Variants in BLNK observed in about 807,000 individuals in gnomAD.
BLNK encodes B-cell linker protein.
In BLNK, 29 loss-of-function variants were observed where a neutral mutation model predicts 73.5. The ratio of observed to expected loss-of-function variants is 0.39; its 90% CI spans 0.29 to 0.54. The LOEUF is 0.54. Ranked by LOEUF, BLNK falls within the 20% of genes least tolerant of loss-of-function variation. BLNK has a pLI of 0.61. For synonymous variants in BLNK, 176 were observed against 200.8 expected (o/e 0.88, Z 1.04); for missense variants, 460 against 562.8 (o/e 0.82, Z 1.85).
At position 96,271,410 on chromosome 10, in the gene BLNK, A is replaced by G. The variant is rs782606156; in HGVS notation, c.-12T>C. 2.5e-6 allele frequency: 4 copies of G among 1,614,082 alleles called. No homozygotes were observed. In the East Asian group the frequency reaches 8.9e-5, roughly 36 times the overall value. ...TTAAGCTTGTCCATTCTGTTTGGTA[A>G]TTGTAAGAGACACGAATAACTGTCC... is the stretch of plus-strand genomic sequence containing the variant. On this transcript the variant is annotated 5_prime_UTR_variant, in exon 1 of 17. Coordinates refer to ENST00000224337, the MANE Select transcript of BLNK (RefSeq NM_013314.4).
chr10:96,233,302 A>G (rs189338646), intron 3 of BLNK, among the ~76,000 whole-genome samples: 59 of 152,296 alleles, frequency 3.9e-4, no homozygotes, highest in African/African-American at 1.2e-3. Flanking sequence ...CACTGGTGAA[A>G]GTAGTGCATT....
At chr10:96,266,326 C>G (rs1382900719) in intron 1 of BLNK, among the ~76,000 whole-genome samples, 1 of 152,200 alleles carries the variant, frequency 6.6e-6, no homozygotes, top group Non-Finnish European at 1.5e-5. Context: ...TCAATTGTAT[C>G]ATAGTCCATT....
intron 2 of BLNK, among the ~76,000 whole-genome samples, chr10:96,246,155 A>G (rs1193396795): frequency 2.7e-5 from 4 of 148,988 alleles, no homozygotes; most frequent in East Asian, 1.9e-4. Context: ...AAAAAGCTTA[A>G]GAGTTTTTGA....
At chr10:96,206,982 T>C in intron 11 of BLNK, 29 bp downstream of exon 11, 1 of 1,606,832 alleles carries the variant, frequency 6.2e-7, no homozygotes. Flanking sequence ...TTAGAGGACA[T>C]GCTCATCCTT....
intron 2 of BLNK, among the ~76,000 whole-genome samples, chr10:96,245,319 A>C (rs1843004896): frequency 6.6e-6 from 1 of 152,224 alleles, no homozygotes; most frequent in South Asian, 2.1e-4. Flanking sequence ...TTGGTCCAAA[A>C]TTTGGGGAGA....
rs1274045041 is a variant in BLNK at position 96,271,498 on chromosome 10, G to A, written c.-100C>T. 47 of 1,261,744 alleles carry A rather than the reference G, an allele frequency of 3.7e-5. No individual in the cohort carries two copies. Among genetic ancestry groups the A allele is most frequent in the Non-Finnish European group, 5.3e-5 (46 of 862,098 alleles). 78.2% of individuals were successfully genotyped at this position (1,261,744 alleles called of 1,614,324 possible). ...CAGCATGGTAAGCCTCTGGTCTCAAGGGTTCCGGCCACTCAAGTCTGATTT... is the reference window on the plus strand; with the variant it reads ...CAGCATGGTAAGCCTCTGGTCTCAAAGGTTCCGGCCACTCAAGTCTGATTT... On this transcript the variant is annotated 5_prime_UTR_variant, in exon 1 of 17. Coordinates refer to ENST00000224337, the MANE Select transcript of BLNK (RefSeq NM_013314.4).
intron 3 of BLNK, among the ~76,000 whole-genome samples, chr10:96,232,570 C>A (rs12253403): frequency 6.6e-6 from 1 of 151,880 alleles, no homozygotes; most frequent in Non-Finnish European, 1.5e-5. Context: ...GGCAGCAGCA[C>A]CCTCTTTTGG....
At chr10:96,199,506 G>A in intron 15 of BLNK, 1 of 462,728 alleles carries the variant, frequency 2.2e-6, no homozygotes, top group Non-Finnish European at 4.4e-6. Context: ...GTCTCCCACT[G>A]TTTGGAGGGC....
intron 16 of BLNK, among the ~76,000 whole-genome samples, chr10:96,193,505 AG>A (rs1234802643): frequency 1.3e-5 from 2 of 152,214 alleles, no homozygotes; most frequent in African/African-American, 4.8e-5. Flanking sequence ...TGTGTGCAGT[AG>A]GGAGTTGAGC....
chr10:96,189,908 C>T lies in BLNK; in HGVS notation c.*2065G>A. On this transcript the variant is annotated 3_prime_UTR_variant, in exon 17 of 17. Coordinates refer to ENST00000224337, the MANE Select transcript of BLNK (RefSeq NM_013314.4). The stretch of plus-strand genomic sequence containing the variant: ...TCCACTAATATGCACTGGCCCTGAA[C>T]CACACTTCAACCATAAAAGCACTGG... 9.9e-7 allele frequency: 1 copy of T among 1,013,562 alleles called. No individual in the cohort carries two copies. Among genetic ancestry groups the T allele is most frequent in the Non-Finnish European group, 1.5e-6 (1 of 647,096 alleles). The allele number at this position is 1,013,562 out of a possible 1,614,324, so 62.8% of individuals were successfully genotyped here.
intron 6 of BLNK, among the ~76,000 whole-genome samples, chr10:96,219,055 A>T (rs1411797573): frequency 6.6e-6 from 1 of 152,206 alleles, no homozygotes; most frequent in Non-Finnish European, 1.5e-5. Flanking sequence ...TCTGCCATTC[A>T]GAGGTGGGCA....
At position 96,191,901 on chromosome 10, in the gene BLNK, G is replaced by C; in HGVS notation, c.*72C>G. The C allele has an allele frequency of 6.3e-7, 1 of 1,586,386 alleles. No homozygotes were observed. Among genetic ancestry groups the C allele is most frequent in the Non-Finnish European group, 8.6e-7 (1 of 1,157,414 alleles). On this transcript the variant is annotated 3_prime_UTR_variant, in exon 17 of 17. Coordinates refer to ENST00000224337, the MANE Select transcript of BLNK (RefSeq NM_013314.4). ...TTCATAATCCAAAATATGAAGTTTT[G>C]GGACTTTTTCTCAAAAGGAGAAACT...
chr10:96,251,913 C>A (rs1843300783), intron 1 of BLNK, among the ~76,000 whole-genome samples: 2 of 152,112 alleles, frequency 1.3e-5, no homozygotes. Flanking sequence ...GCAGTTTCTT[C>A]CCTTTAAAGT....
At chr10:96,205,458 G>A (rs1231928905) in intron 11 of BLNK, among the ~76,000 whole-genome samples, 1 of 152,090 alleles carries the variant, frequency 6.6e-6, no homozygotes, top group African/African-American at 2.4e-5. Context: ...TAGACGTCAG[G>A]GTTTCTTACC....
chr10:96,191,452 A>G lies in BLNK; in HGVS notation c.*521T>C, dbSNP rs1554893419. On this transcript the variant is annotated 3_prime_UTR_variant, in exon 17 of 17. Coordinates refer to ENST00000224337, the MANE Select transcript of BLNK (RefSeq NM_013314.4). The stretch of plus-strand genomic sequence containing the variant: ...TCATATCCATATATATATATATCCC[A>G]TGGTTGAGAGTGCTCACAAAAAGGA... Among the ~76,000 whole-genome samples the G allele has an allele frequency of 6.6e-6, 1 of 151,938 alleles. No homozygotes were observed. The highest frequency in any genetic ancestry group is 2.4e-5 in the African/African-American group (1 of 41,390).
At chr10:96,268,916 G>T (rs1257127106) in intron 1 of BLNK, among the ~76,000 whole-genome samples, 2 of 152,076 alleles carry the variant, frequency 1.3e-5, no homozygotes, top group East Asian at 3.8e-4. Context: ...TGGTCATCTG[G>T]TGCCAAATAA....
intron 3 of BLNK, among the ~76,000 whole-genome samples, chr10:96,232,194 G>T (rs999081920): frequency 1.3e-5 from 2 of 152,156 alleles, no homozygotes; most frequent in African/African-American, 2.4e-5. Context: ...CACCACAGAG[G>T]GTCCCAGCTC....
chr10:96,248,468 G>T (rs1554908241), intron 1 of BLNK, among the ~76,000 whole-genome samples: 1 of 152,140 alleles, frequency 6.6e-6, no homozygotes, highest in Non-Finnish European at 1.5e-5. Context: ...CTATCAGACT[G>T]GCAAAACATA....
chr10:96,217,571 T>A (rs587646450), intron 6 of BLNK, among the ~76,000 whole-genome samples: 55 of 152,332 alleles, frequency 3.6e-4, no homozygotes, highest in African/African-American at 1.2e-3. Flanking sequence ...ATGTTGAGTA[T>A]CTTTTTATAT....
Sources: gnomAD v4.1 joint callset for allele counts (sites outside exome capture counted in the v4.1 genomes callset) on GRCh38, gnomAD v4.1.1 for gene constraint, MANE v1.5 for transcripts, NCBI Gene and HGNC (gene_info 2026-07-23, HGNC 2026-07-21) for gene names.